RXRA: variants seen among roughly 807,000 people sequenced by gnomAD.
RXRA encodes retinoic acid receptor RXR-alpha.
RXRA carries 5 observed loss-of-function variants against 44.5 expected under a neutral mutation model. The ratio of observed to expected loss-of-function variants is 0.11; its 90% CI spans 0.06 to 0.24. The LOEUF (loss-of-function observed/expected upper bound fraction) is 0.24, where lower values mean the gene tolerates loss of function less well. RXRA is among the 10% of genes least tolerant of loss of function. The pLI, the probability that RXRA is intolerant of heterozygous loss-of-function variation, is 1.00. For synonymous variants in RXRA, 291 were observed against 271.4 expected, an observed-to-expected ratio of 1.07 and a Z score of -0.71; for missense variants, 412 against 646.5, an observed-to-expected ratio of 0.64 and a Z score of 3.93.
At position 134,367,920 on chromosome 9, in the gene RXRA, C is replaced by T. The variant is rs1242764594; in HGVS notation, c.29-33712C>T. 2.0e-5 allele frequency among the ~76,000 whole-genome samples: 3 copies of T among 152,380 alleles called. No individual in the cohort carries two copies. In the East Asian group the frequency reaches 5.8e-4, roughly 29 times the overall value. On this transcript the variant is annotated intron_variant, in intron 1 of 9. Coordinates refer to ENST00000481739, the MANE Select transcript of RXRA (RefSeq NM_002957.6). ...GAACTGCTAATTAAGCTAATAGTTC[C>T]CAGAGCTGCCTGACAGCAGCTGATG...
At chr9:134,419,945 A>T (rs558671661) in intron 5 of RXRA, among the ~76,000 whole-genome samples, 1 of 152,246 alleles carries the variant, frequency 6.6e-6, no homozygotes, top group South Asian at 2.1e-4. Flanking sequence ...CTGCAGGCAC[A>T]TGACAGATGG....
intron 4 of RXRA, among the ~76,000 whole-genome samples, chr9:134,412,347 G>A (rs1697702472): frequency 6.6e-6 from 1 of 152,238 alleles, no homozygotes; most frequent in African/African-American, 2.4e-5. Flanking sequence ...CAGACCCCTA[G>A]AAACAGGCTG....
At chr9:134,372,882 G>C (rs1447218561) in intron 1 of RXRA, among the ~76,000 whole-genome samples, 7 of 152,234 alleles carry the variant, frequency 4.6e-5, no homozygotes, top group Non-Finnish European at 1.0e-4. Flanking sequence ...TTGAGATCTG[G>C]AATCTGGCTT....
intron 1 of RXRA, among the ~76,000 whole-genome samples, chr9:134,337,279 C>T (rs1486250689): frequency 2.0e-5 from 3 of 152,074 alleles, no homozygotes; most frequent in East Asian, 1.9e-4. Context: ...GGGAAGTAAG[C>T]GCCTCCCACC....
chr9:134,378,533 G>A (rs1038784320), intron 1 of RXRA, among the ~76,000 whole-genome samples: 15 of 152,234 alleles, frequency 9.9e-5, no homozygotes, highest in African/African-American at 3.6e-4. Flanking sequence ...CAGGGTCCTG[G>A]GTGCCGAGGG....
At chr9:134,346,609 T>G (rs907059991) in intron 1 of RXRA, among the ~76,000 whole-genome samples, 1 of 152,206 alleles carries the variant, frequency 6.6e-6, no homozygotes, top group Non-Finnish European at 1.5e-5. Context: ...CTGCCCTAGG[T>G]CCTGGCACTG....
At chr9:134,415,517 G>A (rs1296708144) in intron 4 of RXRA, among the ~76,000 whole-genome samples, 2 of 152,142 alleles carry the variant, frequency 1.3e-5, no homozygotes, top group Non-Finnish European at 2.9e-5. Flanking sequence ...GCTGGTGCCT[G>A]TGAGTACCCC....
chr9:134,406,392 C>CG (rs1373177542), intron 2 of RXRA: 4 of 118,226 alleles, frequency 3.4e-5, no homozygotes, highest in South Asian at 2.6e-4. Flanking sequence ...GACCCTGTTT[C>CG]GGAAAAAAAA....
chr9:134,362,330 C>G (rs956883129), intron 1 of RXRA, among the ~76,000 whole-genome samples: 2 of 152,290 alleles, frequency 1.3e-5, no homozygotes, highest in African/African-American at 4.8e-5. Context: ...CTTGCTCATC[C>G]CCCAAGTCCC....
At chr9:134,350,695 C>A (rs952255424) in intron 1 of RXRA, among the ~76,000 whole-genome samples, 1 of 152,380 alleles carries the variant, frequency 6.6e-6, no homozygotes, top group African/African-American at 2.4e-5. Context: ...CCAGCCTCCC[C>A]CGCAGGAGCA....
At chr9:134,398,214 A>G (rs1830908095) in intron 1 of RXRA, among the ~76,000 whole-genome samples, 1 of 152,136 alleles carries the variant, frequency 6.6e-6, no homozygotes, top group Non-Finnish European at 1.5e-5. Context: ...TCCTGACCTC[A>G]GGTGATCCAC....
rs1414766085 is a variant in RXRA at position 134,426,491 on chromosome 9, C to A, written c.911-2617C>A. The A allele has an allele frequency of 2.0e-6, 2 of 985,336 alleles. No individual in the cohort carries two copies. The highest frequency in any genetic ancestry group is 3.5e-5 in the African/African-American group (2 of 57,246). 61.0% of individuals were successfully genotyped at this position (985,336 alleles called of 1,614,324 possible). On this transcript the variant is annotated intron_variant, in intron 6 of 9. Transcript: ENST00000481739. This position sits in a 1 kb window ranked among gnomAD's most constrained non-coding sequence, Gnocchi z 4.6. Reference sequence around the variant, plus strand: ...AGGGGACAGGGGAGCTGAGATGCAGCCGGCGTGCCGGAGGGTGCAGAGAGA... The same window carrying A: ...AGGGGACAGGGGAGCTGAGATGCAGACGGCGTGCCGGAGGGTGCAGAGAGA...
In RXRA at chr9:134,365,409, G is replaced by A. The variant is rs1322566464; in HGVS notation, c.29-36223G>A. On this transcript the variant is annotated intron_variant, in intron 1 of 9. Coordinates refer to ENST00000481739, the MANE Select transcript of RXRA (RefSeq NM_002957.6). The surrounding 1 kb of genome is among the most constrained non-coding windows in gnomAD (Gnocchi z 4.0). ...TTGCCTGGCCCAGGTGGGATTTGGC[G>A]GGTAACGCTCGTGGTGTGTCCTGGT... 6.6e-6 allele frequency among the ~76,000 whole-genome samples: 1 copy of A among 152,198 alleles called. No individual in the cohort carries two copies. Among genetic ancestry groups the A allele is most frequent in the African/African-American group, 2.4e-5 (1 of 41,450 alleles).
rs1215086478 is a variant in RXRA, at chr9:134,372,630, C to T, written c.29-29002C>T. On this transcript the variant is annotated intron_variant, in intron 1 of 9. Transcript: ENST00000481739. ...GTTATTAGGCTTAGTTTAGAGGAGA[C>T]AGAGGATCAGAGAGGCCCACTGACC... Among the ~76,000 whole-genome samples the T allele has an allele frequency of 2.0e-5, 3 of 152,268 alleles. No homozygotes were observed. The East Asian group carries it at 5.8e-4, about 29-fold the overall frequency.
At chr9:134,400,012 C>A (rs534981522) in intron 1 of RXRA, among the ~76,000 whole-genome samples, 1 of 152,360 alleles carries the variant, frequency 6.6e-6, no homozygotes, top group South Asian at 2.1e-4. Flanking sequence ...CCTCTGTGTT[C>A]CTGCTGCCTC....
At chr9:134,348,749 C>T (rs1026233254) in intron 1 of RXRA, among the ~76,000 whole-genome samples, 2 of 152,248 alleles carry the variant, frequency 1.3e-5, no homozygotes, top group Non-Finnish European at 2.9e-5. Context: ...ACGTGTCCGC[C>T]ATGTGCTGCC....
intron 6 of RXRA, chr9:134,424,636 C>T: frequency 1.0e-6 from 1 of 985,478 alleles, no homozygotes; most frequent in Non-Finnish European, 1.2e-6. Context: ...GTGGTCTCCC[C>T]AAGCCCCAGT....
intron 7 of RXRA, among the ~76,000 whole-genome samples, chr9:134,430,258 CA>C (rs1831511446): frequency 6.6e-6 from 1 of 152,200 alleles, no homozygotes. Flanking sequence ...GACCGGATGT[CA>C]GCTTCAGCTG....
chr9:134,361,281 T>C (rs1564269627), intron 1 of RXRA, among the ~76,000 whole-genome samples: 2 of 152,190 alleles, frequency 1.3e-5, no homozygotes, highest in African/African-American at 4.8e-5. Context: ...AGGGGTAAAC[T>C]GAGGCCTCCC....
Sources: allele counts gnomAD v4.1 joint callset (sites outside exome capture counted in the v4.1 genomes callset), GRCh38; gene constraint gnomAD v4.1.1; non-coding constraint Gnocchi (gnomAD v3.1); transcripts MANE v1.5; gene names NCBI Gene and HGNC (gene_info 2026-07-23, HGNC 2026-07-21).